The following YEATS4 variants were observed in gnomAD, a reference collection of about 807,000 sequenced individuals.
YEATS4 encodes YEATS domain-containing protein 4.
YEATS4 carries 17 observed loss-of-function variants against 30.1 expected under a neutral mutation model. The ratio of observed to expected loss-of-function variants is 0.56; its 90% CI spans 0.39 to 0.85. The LOEUF (loss-of-function observed/expected upper bound fraction) is 0.85. YEATS4 is among the 40% of genes least tolerant of loss of function. The pLI is 0.00. For missense variants in YEATS4, 142 were observed against 268.3 expected (o/e 0.53, Z 3.29); for synonymous variants, 85 against 87.5 (o/e 0.97, Z 0.16).
At chr12:69,414,707 C>T in the YEATS4 span, among the ~76,000 whole-genome samples, 4 of 152,308 alleles carry the variant, frequency 2.6e-5, no homozygotes, top group South Asian at 6.2e-4. Context: ...TAGGACAATG[C>T]ACTGACTTCT....
At chr12:69,364,172 G>A (rs1409523344) in intron 2 of YEATS4, 1 of 448,784 alleles carries the variant, frequency 2.2e-6, no homozygotes, top group East Asian at 7.2e-5. Flanking sequence ...AAAACCATTG[G>A]CTAGGCAAAA....
intron 1 of YEATS4, 55 bp downstream of exon 1, chr12:69,360,078 C>T (rs1235536682): frequency 2.5e-6 from 4 of 1,588,364 alleles, no homozygotes; most frequent in Non-Finnish European, 3.4e-6. Flanking sequence ...CGGTTCCTCC[C>T]TGCGCGGCGC....
the YEATS4 span, among the ~76,000 whole-genome samples, chr12:69,407,412 G>T: frequency 6.6e-6 from 1 of 151,990 alleles, no homozygotes; most frequent in Non-Finnish European, 1.5e-5. Context: ...TGAAAAATGG[G>T]CCTGTATTTT....
At chr12:69,376,497 G>A (rs528031540) in intron 6 of YEATS4, among the ~76,000 whole-genome samples, 90 of 152,262 alleles carry the variant, frequency 5.9e-4, no homozygotes, top group Non-Finnish European at 1.0e-3. Flanking sequence ...TCATTCTGTC[G>A]ATATGAGGTA....
chr12:69,386,441 T>G (rs1868251769), intron 6 of YEATS4, among the ~76,000 whole-genome samples: 1 of 152,194 alleles, frequency 6.6e-6, no homozygotes, highest in Non-Finnish European at 1.5e-5. Context: ...TCTCATTGTT[T>G]AAAATTCAGT....
the YEATS4 span, among the ~76,000 whole-genome samples, chr12:69,398,021 A>G: frequency 6.6e-6 from 1 of 152,168 alleles, no homozygotes; most frequent in Non-Finnish European, 1.5e-5. Flanking sequence ...ACAGAATCCA[A>G]TACCCGTTTA....
At chr12:69,408,990 C>G in the YEATS4 span, among the ~76,000 whole-genome samples, 1 of 152,210 alleles carries the variant, frequency 6.6e-6, no homozygotes, top group African/African-American at 2.4e-5. Context: ...CTGGATTTCG[C>G]TGAGGCTCGG....
At chr12:69,407,702 CTTTTTTTTTTTTTTTT>C in the YEATS4 span, among the ~76,000 whole-genome samples, 10 of 62,620 alleles carry the variant, frequency 1.6e-4, no homozygotes, top group African/African-American at 3.5e-4. Flanking sequence ...TACTTTTTGT[CTTTTTTTTTTTTTTTT>C]TTTTTTTTTT....
At chr12:69,399,079 G>A in the YEATS4 span, among the ~76,000 whole-genome samples, 29 of 151,664 alleles carry the variant, frequency 1.9e-4, no homozygotes, top group Non-Finnish European at 3.1e-4. Context: ...CCCGGGAGGC[G>A]GAGGTTGCAG....
At chr12:69,415,436 A>G in the YEATS4 span, among the ~76,000 whole-genome samples, 2 of 152,116 alleles carry the variant, frequency 1.3e-5, no homozygotes, top group Non-Finnish European at 1.5e-5. Flanking sequence ...TTAGCCGAGT[A>G]TGGTGGTGGG....
intron 4 of YEATS4, among the ~76,000 whole-genome samples, chr12:69,367,466 C>G (rs1209742098): frequency 1.3e-5 from 2 of 152,094 alleles, no homozygotes; most frequent in Admixed American, 6.5e-5. Flanking sequence ...CTCCTGGCCT[C>G]AAACAGTCCT....
chr12:69,384,937 G>A (rs1876212459), intron 6 of YEATS4, among the ~76,000 whole-genome samples: 1 of 152,092 alleles, frequency 6.6e-6, no homozygotes, highest in Admixed American at 6.6e-5. Context: ...TAAAATATCT[G>A]GCCCTGCTAA....
the YEATS4 span, among the ~76,000 whole-genome samples, chr12:69,419,706 G>C: frequency 6.6e-6 from 1 of 152,210 alleles, no homozygotes; most frequent in African/African-American, 2.4e-5. Context: ...ACAAAGGATA[G>C]AGAAGGAGTC....
the YEATS4 span, among the ~76,000 whole-genome samples, chr12:69,396,262 C>A: frequency 6.6e-6 from 1 of 152,206 alleles, no homozygotes; most frequent in African/African-American, 2.4e-5. Context: ...TGAATAGAGT[C>A]ATAAAGCTGG....
intron 6 of YEATS4, among the ~76,000 whole-genome samples, chr12:69,374,140 G>GT (rs56302338): frequency 0.52 from 76,696 of 147,082 alleles, 20,062 homozygotes; most frequent in East Asian, 0.72. Flanking sequence ...TTTAGGTTTT[G>GT]TTTTTTTTTT....
chr12:69,407,005 G>A, the YEATS4 span, among the ~76,000 whole-genome samples: 1 of 151,936 alleles, frequency 6.6e-6, no homozygotes, highest in Non-Finnish European at 1.5e-5. Flanking sequence ...TGTAGAGACA[G>A]GGTCTTGCTA....
the YEATS4 span, among the ~76,000 whole-genome samples, chr12:69,419,665 A>ACTCCC: frequency 6.6e-6 from 1 of 152,196 alleles, no homozygotes; most frequent in East Asian, 1.9e-4. Flanking sequence ...TGTTGAAGGA[A>ACTCCC]AGAAAGTCAT....
At chr12:69,403,929 A>AT in the YEATS4 span, among the ~76,000 whole-genome samples, 1 of 151,552 alleles carries the variant, frequency 6.6e-6, no homozygotes, top group Admixed American at 6.6e-5. Flanking sequence ...TTTCACCATG[A>AT]TTTTTTTGTT....
chr12:69,388,705 A>G (rs1868281763), intron 6 of YEATS4, among the ~76,000 whole-genome samples: 1 of 152,246 alleles, frequency 6.6e-6, no homozygotes, highest in Non-Finnish European at 1.5e-5. Flanking sequence ...ATAGTTTCAG[A>G]TATCACTTAA....
Sources: allele counts gnomAD v4.1 joint callset (sites outside exome capture counted in the v4.1 genomes callset), GRCh38; gene constraint gnomAD v4.1.1; transcripts MANE v1.5; gene names NCBI Gene and HGNC (gene_info 2026-07-23, HGNC 2026-07-21).